NUP93: variants seen among roughly 807,000 people sequenced by gnomAD.
NUP93 encodes the protein nuclear pore complex protein Nup93.
NUP93 carries 55 observed loss-of-function variants against 107.8 expected under a neutral mutation model. The observed-to-expected ratio is 0.51, with a 90% CI of 0.41 to 0.64. The LOEUF (loss-of-function observed/expected upper bound fraction) is 0.64, where lower values mean the gene tolerates loss of function less well. NUP93 is among the 30% of genes least tolerant of loss of function. The pLI is 0.00. For missense variants in NUP93, 937 were observed against 1,044.7 expected (o/e 0.90, Z 1.42); for synonymous variants, 390 against 397.5 (o/e 0.98, Z 0.22).
At chr16:56,825,805 T>A (rs1963646652) in intron 8 of NUP93, among the ~76,000 whole-genome samples, 1 of 152,178 alleles carries the variant, frequency 6.6e-6, no homozygotes, top group Non-Finnish European at 1.5e-5. Context: ...GGCATCACTC[T>A]CTCATGGCAT....
chr16:56,837,565 A>C, intron 17 of NUP93, 43 bp from the exon 18 acceptor site: 1 of 1,133,370 alleles, frequency 8.8e-7, no homozygotes. Flanking sequence ...CCTTTTATTG[A>C]TTACTTTATT....
chr16:56,788,339 A>G (rs1175594556), intron 3 of NUP93, among the ~76,000 whole-genome samples: 1 of 152,216 alleles, frequency 6.6e-6, no homozygotes, highest in African/African-American at 2.4e-5. Flanking sequence ...GTAAAGTAGC[A>G]GTACAGAGCA....
intron 4 of NUP93, among the ~76,000 whole-genome samples, chr16:56,803,294 A>G (rs1424403178): frequency 6.6e-6 from 1 of 152,114 alleles, no homozygotes; most frequent in African/African-American, 2.4e-5. Flanking sequence ...CCCTGTCTCT[A>G]CTAAAAGTCT....
intron 5 of NUP93, among the ~76,000 whole-genome samples, chr16:56,818,320 A>C (rs1313869159): frequency 1.3e-5 from 2 of 152,242 alleles, no homozygotes; most frequent in African/African-American, 4.8e-5. Context: ...ACTAGTGTGA[A>C]GACATGGGAA....
chr16:56,778,473 TGGAA>T (rs2144514826), intron 3 of NUP93, among the ~76,000 whole-genome samples: 1 of 152,188 alleles, frequency 6.6e-6, no homozygotes, highest in South Asian at 2.1e-4. Context: ...GTTTGGCCAG[TGGAA>T]GGATAGCTGC....
At position 56,828,907 on chromosome 16, in the gene NUP93, G is replaced by A. The variant is rs901375703; in HGVS notation, c.795-70G>A. ...CTTCCAAGCTACAGTGTAATGTCAT[G>A]GATATGGGCATAGAGATGTGTAATA... is the stretch of plus-strand genomic sequence containing the variant. On this transcript the variant is annotated intron_variant, in intron 8 of 21. Coordinates refer to ENST00000308159, the MANE Select transcript of NUP93 (RefSeq NM_014669.5). 1.5e-5 allele frequency: 23 copies of A among 1,509,154 alleles called. No individual in the cohort carries two copies. In the African/African-American group the frequency reaches 2.6e-4, roughly 17 times the overall value. The allele number at this position is 1,509,154 out of a possible 1,614,324, so 93.5% of individuals were successfully genotyped here. A position where few individuals can be genotyped will look rare whatever the true frequency, so the allele number is the denominator to read the frequency against.
Position 56,779,406 on chromosome 16 carries a change from C to T in NUP93, c.298-19070C>T, listed in dbSNP as rs552553116. ...TTAGTTTTTAACCCTTTTCTTTTTG[C>T]TTTAGTTTTTGGTGTCTAGGGTTAT... is the stretch of plus-strand genomic sequence containing the variant. On this transcript the variant is annotated intron_variant, in intron 3 of 21. Coordinates refer to ENST00000308159, the MANE Select transcript of NUP93 (RefSeq NM_014669.5). Among the ~76,000 whole-genome samples the T allele has an allele frequency of 2.0e-5, 3 of 152,208 alleles. No homozygotes were observed. The South Asian group carries it at 6.2e-4, about 32-fold the overall frequency.
chr16:56,837,721 C>T lies in NUP93; in HGVS notation c.2013C>T (p.Ala671=), dbSNP rs1171749272. ...ERLKNMALSI[A]ERYRAQGISA... is the part of the protein sequence containing the mutation. ...TGAAGAACATGGCACTCTCCATTGC[C>T]GAACGGTAAGCCAGGAGCTGGCTCC... Residue 671 remains alanine (A), a synonymous_variant, in exon 18 of 22, where the codon GCC becomes GCT. Transcript: ENST00000308159. The T allele has an allele frequency of 5.6e-6, 9 of 1,613,000 alleles. No homozygotes were observed. Among genetic ancestry groups the T allele is most frequent in the Non-Finnish European group, 6.8e-6 (8 of 1,179,256 alleles).
intron 1 of NUP93, among the ~76,000 whole-genome samples, chr16:56,745,544 A>G (rs1273315731): frequency 6.6e-6 from 1 of 152,118 alleles, no homozygotes; most frequent in African/African-American, 2.4e-5. Context: ...GGCAGCTTGG[A>G]TGTGGGGAGG....
Position 56,833,254 on chromosome 16 carries a change from A to G in NUP93, c.1385A>G (p.Tyr462Cys), listed in dbSNP as rs1218624805. The G allele has an allele frequency of 1.9e-6, 3 of 1,605,272 alleles. No homozygotes were observed. The highest frequency in any genetic ancestry group is 1.1e-5 in the South Asian group (1 of 89,690). Reference sequence around the variant, plus strand: ...ACGGTGAACCAGCAACCCTTCCTCTACTTCCAAGTCCTGTTCCTGACAGCG... The same window carrying G: ...ACGGTGAACCAGCAACCCTTCCTCTGCTTCCAAGTCCTGTTCCTGACAGCG... ...HFTVNQQPFL[Y>C]FQVLFLTAQF... Residue 462 changes from tyrosine to cysteine, a missense_variant, in exon 13 of 22, where the codon TAC (tyrosine) becomes TGC (cysteine). By Grantham distance (194) the Tyr-to-Cys change is radical. Transcript: ENST00000308159.
At chr16:56,763,730 T>C (rs1401463650) in intron 3 of NUP93, among the ~76,000 whole-genome samples, 3 of 152,140 alleles carry the variant, frequency 2.0e-5, no homozygotes, top group Admixed American at 6.6e-5. Context: ...GCTTCCCTGC[T>C]GAGGAAAAGA....
chr16:56,785,685 G>T (rs2144527891), intron 3 of NUP93, among the ~76,000 whole-genome samples: 1 of 152,240 alleles, frequency 6.6e-6, no homozygotes, highest in Admixed American at 6.5e-5. Flanking sequence ...ATAAGGGGTG[G>T]ACCGCACGAA....
intron 3 of NUP93, chr16:56,782,036 C>G (rs1330047321): frequency 1.0e-6 from 1 of 984,904 alleles, no homozygotes; most frequent in Non-Finnish European, 1.2e-6. Flanking sequence ...TCTTCTTTCT[C>G]TCTTTTTCTC....
intron 3 of NUP93, among the ~76,000 whole-genome samples, chr16:56,761,693 C>T (rs923500188): frequency 3.9e-5 from 6 of 152,036 alleles, no homozygotes; most frequent in Non-Finnish European, 5.9e-5. Flanking sequence ...TGACAAGTAC[C>T]GTCCAGGACT....
At chr16:56,827,315 A>C (rs1292548315) in intron 8 of NUP93, among the ~76,000 whole-genome samples, 3 of 152,202 alleles carry the variant, frequency 2.0e-5, no homozygotes, top group Non-Finnish European at 4.4e-5. Context: ...TAGCAAATAA[A>C]TGGAGAGGGA....
intron 2 of NUP93, among the ~76,000 whole-genome samples, chr16:56,752,912 C>G (rs1961950018): frequency 6.6e-6 from 1 of 152,142 alleles, no homozygotes. Flanking sequence ...AAAGAACAGT[C>G]TTTTCAACAA....
At chr16:56,798,134 C>T (rs184954275) in intron 3 of NUP93, among the ~76,000 whole-genome samples, 1 of 152,358 alleles carries the variant, frequency 6.6e-6, no homozygotes, top group African/African-American at 2.4e-5. Context: ...GTTAGAGGAA[C>T]TGTGACTAGC....
intron 19 of NUP93, 152 bp from the exon 20 acceptor site, chr16:56,839,369 C>T: frequency 2.0e-6 from 1 of 507,138 alleles, no homozygotes; most frequent in South Asian, 3.4e-5. Flanking sequence ...ATTAAGTTAG[C>T]TAGTTAGAAT....
At chr16:56,747,700 A>G (rs1263113658) in intron 1 of NUP93, among the ~76,000 whole-genome samples, 1 of 152,134 alleles carries the variant, frequency 6.6e-6, no homozygotes, top group Non-Finnish European at 1.5e-5. Context: ...CACAGTAGAG[A>G]GTATTCTTGG....
Sources: allele counts gnomAD v4.1 joint callset (sites outside exome capture counted in the v4.1 genomes callset), GRCh38; gene constraint gnomAD v4.1.1; transcripts MANE v1.5; gene names NCBI Gene and HGNC (gene_info 2026-07-23, HGNC 2026-07-21).